The following CMTM4 variants were observed in gnomAD, a reference collection of about 807,000 sequenced individuals.
CMTM4 encodes CKLF-like MARVEL transmembrane domain-containing protein 4.
A neutral mutation model predicts 19.0 loss-of-function variants in CMTM4; 8 were observed. The observed-to-expected ratio is 0.42, with a 90% CI of 0.25 to 0.76. The LOEUF (loss-of-function observed/expected upper bound fraction) is 0.76, where lower values mean the gene tolerates loss of function less well. CMTM4 is among the 30% of genes least tolerant of loss of function. CMTM4 has a pLI of 0.27. For synonymous variants in CMTM4, 106 were observed against 121.1 expected (o/e 0.88, Z 0.82); for missense variants, 228 against 290.2 (o/e 0.79, Z 1.56).
At chr16:66,689,541 G>C (rs2017098698) in intron 1 of CMTM4, among the ~76,000 whole-genome samples, 1 of 151,950 alleles carries the variant, frequency 6.6e-6, no homozygotes, top group Non-Finnish European at 1.5e-5. Flanking sequence ...CCTACAGCTG[G>C]GACTACAGGC....
In CMTM4 at chr16:66,621,882, C is replaced by G; in HGVS notation, c.*176G>C. On this transcript the variant is annotated 3_prime_UTR_variant, in exon 4 of 4. Coordinates refer to ENST00000394106, the MANE Select transcript of CMTM4 (RefSeq NM_181521.3). Reference sequence around the variant, plus strand: ...CAAACGCTGAGGAACGTGGGCCTCCCAACTCCACCGCGGACCCGCCCACTG... The same window carrying G: ...CAAACGCTGAGGAACGTGGGCCTCCGAACTCCACCGCGGACCCGCCCACTG... 2 of 1,425,004 alleles carry G rather than the reference C, an allele frequency of 1.4e-6. No homozygotes were observed. The highest frequency in any genetic ancestry group is 1.8e-6 in the Non-Finnish European group (2 of 1,092,550). 88.3% of individuals were successfully genotyped at this position (1,425,004 alleles called of 1,614,324 possible).
Position 66,621,431 on chromosome 16 carries a change from G to A in CMTM4, c.*627C>T. ...TGGGGTTCAGGAAGGTGATTCATTT[G>A]AGGAAGAATCAAGTGATTTCTCAGC... On this transcript the variant is annotated 3_prime_UTR_variant, in exon 4 of 4. Coordinates refer to ENST00000394106, the MANE Select transcript of CMTM4 (RefSeq NM_181521.3). The A allele has an allele frequency of 1.0e-6, 1 of 985,892 alleles. No homozygotes were observed. Among genetic ancestry groups the A allele is most frequent in the Non-Finnish European group, 1.2e-6 (1 of 829,934 alleles). The allele number at this position is 985,892 out of a possible 1,614,324, so 61.1% of individuals were successfully genotyped here. A position where few individuals can be genotyped will look rare whatever the true frequency, so the allele number is the denominator to read the frequency against.
intron 1 of CMTM4, among the ~76,000 whole-genome samples, chr16:66,689,142 C>A (rs1195417937): frequency 6.6e-6 from 1 of 152,134 alleles, no homozygotes; most frequent in Admixed American, 6.6e-5. Context: ...TTTGCAACGG[C>A]TAGGACTTCC....
Position 66,619,718 on chromosome 16 carries a change from A to T in CMTM4, c.*2340T>A. On this transcript the variant is annotated 3_prime_UTR_variant, in exon 4 of 4. Coordinates refer to ENST00000394106, the MANE Select transcript of CMTM4 (RefSeq NM_181521.3). ...CAACCACACATTACATCAACTAGAA[A>T]GCGTCCATAGCACCACTTCCGGTTC... 3 of 985,438 alleles carry T rather than the reference A, an allele frequency of 3.0e-6. No individual in the cohort carries two copies. The highest frequency in any genetic ancestry group is 3.6e-6 in the Non-Finnish European group (3 of 829,930). The allele number at this position is 985,438 out of a possible 1,614,324, so 61.0% of individuals were successfully genotyped here. A position where few individuals can be genotyped will look rare whatever the true frequency, so the allele number is the denominator to read the frequency against.
At chr16:66,625,205 C>T (rs1262454472) in intron 2 of CMTM4, among the ~76,000 whole-genome samples, 2 of 152,108 alleles carry the variant, frequency 1.3e-5, no homozygotes, top group African/African-American at 2.4e-5. Flanking sequence ...GAGGCCGAGG[C>T]GGGCGGATCA....
the CMTM4 span, chr16:66,605,516 G>A: frequency 6.6e-6 from 1 of 152,456 alleles, no homozygotes; most frequent in Non-Finnish European, 1.5e-5. This position sits in a 1 kb window ranked among gnomAD's most constrained non-coding sequence, Gnocchi z 4.6. Flanking sequence ...CCCGGCCGGT[G>A]GGGCTTCTTT....
chr16:66,631,022 C>T (rs1258283007), intron 2 of CMTM4, among the ~76,000 whole-genome samples: 1 of 151,628 alleles, frequency 6.6e-6, no homozygotes, highest in Non-Finnish European at 1.5e-5. Flanking sequence ...CTCCGCCCGG[C>T]GGCCGCCCCA....
intron 2 of CMTM4, among the ~76,000 whole-genome samples, chr16:66,628,432 G>C (rs974718675): frequency 6.6e-6 from 1 of 152,212 alleles, no homozygotes; most frequent in Non-Finnish European, 1.5e-5. Flanking sequence ...GTGGCTTTTA[G>C]CAGTGCGTTG....
chr16:66,630,181 A>G (rs191207747), intron 2 of CMTM4, among the ~76,000 whole-genome samples: 1 of 152,046 alleles, frequency 6.6e-6, no homozygotes, highest in East Asian at 1.9e-4. Flanking sequence ...TTAGTGTCAG[A>G]ATTGAACGGA....
intron 1 of CMTM4, among the ~76,000 whole-genome samples, chr16:66,645,240 C>T (rs1257753645): frequency 1.3e-5 from 2 of 151,608 alleles, no homozygotes; most frequent in African/African-American, 2.4e-5. Flanking sequence ...ACTGAGATTG[C>T]GTCACTGCAC....
chr16:66,676,990 C>T (rs1386626347), intron 1 of CMTM4, among the ~76,000 whole-genome samples: 1 of 152,172 alleles, frequency 6.6e-6, no homozygotes, highest in Non-Finnish European at 1.5e-5. Context: ...TGGCTCATGC[C>T]TGTAATCCCA....
downstream of CMTM4, chr16:66,612,532 T>C (rs892315449): frequency 6.7e-7 from 1 of 1,491,458 alleles, no homozygotes; most frequent in Non-Finnish European, 9.3e-7. This position sits in a 1 kb window ranked among gnomAD's most constrained non-coding sequence, Gnocchi z 6.0. Flanking sequence ...GCAACCCAGC[T>C]GTGCTTCCCC....
chr16:66,605,127 A>C, the CMTM4 span: 7 of 505,412 alleles, frequency 1.4e-5, no homozygotes, highest in African/African-American at 2.1e-5. The surrounding 1 kb of genome is among the most constrained non-coding windows in gnomAD (Gnocchi z 4.6). Flanking sequence ...AGGTCCCCAA[A>C]CTTTGGACGG....
rs755788251 is a variant in CMTM4 at position 66,636,491 on chromosome 16, T to C, written c.277A>G (p.Ser93Gly). The C allele has an allele frequency of 2.5e-6, 4 of 1,614,180 alleles. No homozygotes were observed. The highest frequency in any genetic ancestry group is 3.4e-6 in the Non-Finnish European group (4 of 1,180,018). Residue 93 changes from serine (S) to glycine (G), a missense_variant, in exon 2 of 4, where the codon AGT becomes GGT. Ser to Gly is a moderately conservative substitution (Grantham distance 56). This residue lies in a region of CMTM4 where 200 missense variants were observed against 226.6 expected (regional missense o/e 0.88). Transcript: ENST00000394106. ...AAGACGCCAGTCACCACAAACGCACTGCAGCTCACAAACTCAAAAAAGTAG... is the reference window on the plus strand; with the variant it reads ...AAGACGCCAGTCACCACAAACGCACCGCAGCTCACAAACTCAAAAAAGTAG... The part of the protein sequence containing the change: ...GLYFFEFVSC[S>G]AFVVTGVLLI...
the CMTM4 span, among the ~76,000 whole-genome samples, chr16:66,600,978 G>A: frequency 7.2e-5 from 11 of 152,280 alleles, no homozygotes; most frequent in Admixed American, 3.3e-4. Flanking sequence ...GTTTGTTCCA[G>A]GAACTGTAAG....
rs888620805 is a variant in CMTM4 at position 66,696,255 on chromosome 16, C to T, written c.186+85G>A. ...GGGCTCCGGCCTGGGCAAGCGGGTA[C>T]GCGGCGGAGGCCCCGCAGCGGGGCG... On this transcript the variant is annotated intron_variant, in intron 1 of 3. Transcript: ENST00000394106. The surrounding 1 kb of genome is among the most constrained non-coding windows in gnomAD (Gnocchi z 4.3). The T allele has an allele frequency of 2.9e-6, 3 of 1,023,028 alleles. No individual in the cohort carries two copies. The highest frequency in any genetic ancestry group is 2.5e-6 in the Non-Finnish European group (2 of 793,404). 63.4% of individuals were successfully genotyped at this position (1,023,028 alleles called of 1,614,324 possible).
chr16:66,617,411 A>G lies in CMTM4; in HGVS notation c.*4647T>C. The G allele has an allele frequency of 6.3e-7, 1 of 1,588,306 alleles. No homozygotes were observed. Among genetic ancestry groups the G allele is most frequent in the Non-Finnish European group, 8.6e-7 (1 of 1,165,760 alleles). On this transcript the variant is annotated 3_prime_UTR_variant, in exon 4 of 4. Coordinates refer to ENST00000394106, the MANE Select transcript of CMTM4 (RefSeq NM_181521.3). The stretch of plus-strand genomic sequence containing the variant: ...TTGAAAAACTGTATCCAAATGGAAA[A>G]AGAATATATTCCAGACAAAAGAAGG...
At chr16:66,664,318 G>T (rs1340849835) in intron 1 of CMTM4, among the ~76,000 whole-genome samples, 1 of 152,050 alleles carries the variant, frequency 6.6e-6, no homozygotes, top group African/African-American at 2.4e-5. Context: ...ACGCTATGAG[G>T]TTCTTCATGG....
At chr16:66,628,129 A>G (rs1006849052) in intron 2 of CMTM4, among the ~76,000 whole-genome samples, 2 of 152,226 alleles carry the variant, frequency 1.3e-5, no homozygotes, top group East Asian at 1.9e-4. Flanking sequence ...TGCTGCCAAC[A>G]TGTCTCGCCT....
Sources: gnomAD v4.1 joint callset for allele counts (sites outside exome capture counted in the v4.1 genomes callset) on GRCh38, gnomAD v4.1.1 for gene constraint, gnomAD v4.1.1 regional missense constraint, Gnocchi (gnomAD v3.1) non-coding constraint, MANE v1.5 for transcripts, NCBI Gene and HGNC (gene_info 2026-07-23, HGNC 2026-07-21) for gene names.